GNB1L: variants seen among roughly 807,000 people sequenced by gnomAD.
GNB1L encodes the protein guanine nucleotide-binding protein subunit beta-like protein 1.
Under a neutral mutation model 29.1 loss-of-function variants are expected in GNB1L, and 20 were observed. The observed-to-expected ratio is 0.69, with a 90% CI of 0.48 to 1.00. The LOEUF (loss-of-function observed/expected upper bound fraction) is 1.00, where lower values mean the gene tolerates loss of function less well. GNB1L is among the 50% of genes least tolerant of loss of function. GNB1L has a pLI of 0.00. For synonymous variants in GNB1L, 193 were observed against 206.5 expected (o/e 0.93, Z 0.56); for missense variants, 421 against 464.9 (o/e 0.91, Z 0.87).
intron 7 of GNB1L, chr22:19,792,731 G>C (rs1413692577): frequency 9.3e-6 from 14 of 1,509,872 alleles, no homozygotes; most frequent in Non-Finnish European, 1.2e-5. Context: ...TCACCACCTT[G>C]GTGGAGAACA....
chr22:19,821,905 C>T (rs1393462066), intron 2 of GNB1L, among the ~76,000 whole-genome samples: 1 of 152,234 alleles, frequency 6.6e-6, no homozygotes, highest in East Asian at 1.9e-4. Context: ...GTCCCGCCCT[C>T]TGTCCAGGGC....
intron 2 of GNB1L, among the ~76,000 whole-genome samples, chr22:19,823,230 C>CCTCT (rs1237390851): frequency 6.6e-6 from 1 of 152,236 alleles, no homozygotes; most frequent in Non-Finnish European, 1.5e-5. Flanking sequence ...GAGGTTTCGT[C>CCTCT]CTCTCTCACC....
rs979049409 is a variant in GNB1L at position 19,806,552 on chromosome 22, T to G, written c.516+107A>C. On this transcript the variant is annotated intron_variant, in intron 6 of 7. Transcript: ENST00000329517. ...GCACAGGTTCCCTGCGGCAGGGGGG[T>G]GGGGTGTTGCCTGAGTGGCTCGACG... is the stretch of plus-strand genomic sequence containing the variant. The G allele has an allele frequency of 1.4e-4, 91 of 666,144 alleles. No individual in the cohort carries two copies. In the African/African-American group the frequency reaches 1.4e-3, roughly 10 times the overall value. 41.3% of individuals were successfully genotyped at this position (666,144 alleles called of 1,614,324 possible). A position where few individuals can be genotyped will look rare whatever the true frequency, so the allele number is the denominator to read the frequency against.
At chr22:19,838,039 T>C (rs1006734985) in intron 2 of GNB1L, among the ~76,000 whole-genome samples, 1 of 152,236 alleles carries the variant, frequency 6.6e-6, no homozygotes, top group African/African-American at 2.4e-5. Context: ...TTGGTTGTCT[T>C]GAGCGTGGGG....
intron 7 of GNB1L, among the ~76,000 whole-genome samples, chr22:19,793,791 T>C (rs1018933168): frequency 6.6e-6 from 1 of 152,192 alleles, no homozygotes; most frequent in Non-Finnish European, 1.5e-5. Flanking sequence ...CTAAATTCCA[T>C]AGCCAGGATT....
chr22:19,818,128 C>T (rs1343744391), intron 4 of GNB1L, among the ~76,000 whole-genome samples: 59 of 152,246 alleles, frequency 3.9e-4, no homozygotes, highest in African/African-American at 4.8e-5. Context: ...TGTCCACAGA[C>T]CCCCTGACCC....
intron 2 of GNB1L, chr22:19,846,424 C>G: frequency 1.0e-6 from 1 of 985,402 alleles, no homozygotes; most frequent in African/African-American, 1.7e-5. Context: ...ACAGCCAAGG[C>G]TTGGCCATCC....
rs34331843 is a variant in GNB1L, at chr22:19,847,804, C to CAAAA, written c.-21+6635_-21+6638dup. The CAAAA allele has an allele frequency of 3.3e-4, 199 of 612,088 alleles. 1 individual carries two copies. The highest frequency in any genetic ancestry group is 9.2e-4 in the Middle Eastern group (1 of 1,086). The allele number at this position is 612,088 out of a possible 1,614,324, so 37.9% of individuals were successfully genotyped here. On this transcript the variant is annotated intron_variant, in intron 2 of 7. Coordinates refer to ENST00000329517, the MANE Select transcript of GNB1L (RefSeq NM_053004.3). ...ACTTTTAAAATCCTGGAATCATAGG[C>CAAAA]AAAAAAAAAAAAAAAAAAAAATTCA...
intron 2 of GNB1L, among the ~76,000 whole-genome samples, chr22:19,841,031 G>A (rs1261432785): frequency 3.3e-5 from 5 of 152,196 alleles, no homozygotes; most frequent in African/African-American, 9.6e-5. Context: ...GAGGAGCCTG[G>A]GGAGACAGGA....
chr22:19,804,722 G>T (rs1328495479), intron 6 of GNB1L, among the ~76,000 whole-genome samples: 1 of 152,082 alleles, frequency 6.6e-6, no homozygotes, highest in Non-Finnish European at 1.5e-5. Flanking sequence ...TGGAGTTAAT[G>T]TCGGCTTTTC....
chr22:19,817,747 G>C (rs1028461688), intron 4 of GNB1L, among the ~76,000 whole-genome samples: 3 of 152,226 alleles, frequency 2.0e-5, no homozygotes, highest in Admixed American at 6.5e-5. Context: ...GGTGGCAGCA[G>C]CTCAGGGATT....
rs1173779383 is a variant in GNB1L, at chr22:19,812,365, C to A, written c.337G>T (p.Val113Leu). 1.9e-6 allele frequency: 3 copies of A among 1,613,362 alleles called. No individual in the cohort carries two copies. Among genetic ancestry groups the A allele is most frequent in the Non-Finnish European group, 1.7e-6 (2 of 1,180,000 alleles). The change falls in exon 5 of 8, where the codon GTG becomes TTG. Residue 113 changes from valine (V) to leucine (L), a missense_variant. Transcript: ENST00000329517. ...AVVDSVCLES[V>L]GFCRSSILAG... Reference sequence around the variant, plus strand: ...AGGATGCTGCTCCGGCAGAAGCCCACACTCTCCAAGCACACGGAGTCCACG... The same window carrying A: ...AGGATGCTGCTCCGGCAGAAGCCCAAACTCTCCAAGCACACGGAGTCCACG...
chr22:19,795,359 C>T (rs1937294545), intron 7 of GNB1L, among the ~76,000 whole-genome samples: 1 of 151,922 alleles, frequency 6.6e-6, no homozygotes, highest in South Asian at 2.1e-4. Context: ...AAAAACAAAA[C>T]TAGACCAAAA....
chr22:19,830,268 T>C (rs1436937126), intron 2 of GNB1L, among the ~76,000 whole-genome samples: 6 of 151,750 alleles, frequency 4.0e-5, no homozygotes, highest in East Asian at 3.9e-4. Context: ...TGGAAAGCCA[T>C]AGAAAATCAA....
At chr22:19,821,006 C>T (rs999429249) in intron 3 of GNB1L, among the ~76,000 whole-genome samples, 9 of 152,306 alleles carry the variant, frequency 5.9e-5, no homozygotes, top group East Asian at 1.9e-4. Flanking sequence ...GCTGGGTGGT[C>T]GTGCCTGCTC....
intron 6 of GNB1L, among the ~76,000 whole-genome samples, chr22:19,803,347 G>A (rs553248731): frequency 4.6e-4 from 70 of 152,316 alleles, no homozygotes; most frequent in African/African-American, 1.6e-3. Context: ...AGGAGGAGGC[G>A]AGTGGCGGTC....
chr22:19,805,827 T>A (rs1159960874), intron 6 of GNB1L, among the ~76,000 whole-genome samples: 2 of 152,116 alleles, frequency 1.3e-5, no homozygotes, highest in Non-Finnish European at 2.9e-5. Flanking sequence ...GTGCCTGGCA[T>A]GACTTAGGGC....
intron 2 of GNB1L, among the ~76,000 whole-genome samples, chr22:19,834,829 T>C (rs13054297): frequency 0.26 from 39,204 of 151,758 alleles, 5,192 homozygotes; most frequent in East Asian, 0.36. Flanking sequence ...AACAACAAAA[T>C]AGTAGACCTA....
At chr22:19,810,178 C>T (rs1474172992) in intron 5 of GNB1L, among the ~76,000 whole-genome samples, 2 of 152,124 alleles carry the variant, frequency 1.3e-5, no homozygotes, top group Admixed American at 6.6e-5. Context: ...CAGGAGGAGC[C>T]GCCCTGAGCA....
Sources: gnomAD v4.1 joint callset for allele counts (sites outside exome capture counted in the v4.1 genomes callset) on GRCh38, gnomAD v4.1.1 for gene constraint, MANE v1.5 for transcripts, NCBI Gene and HGNC (gene_info 2026-07-23, HGNC 2026-07-21) for gene names.